The following GNAL variants were observed in gnomAD, a reference collection of about 807,000 sequenced individuals.
GNAL encodes the protein guanine nucleotide-binding protein G(olf) subunit alpha.
Under a neutral mutation model 55.1 loss-of-function variants are expected in GNAL, and 18 were observed. The observed-to-expected ratio is 0.33, with a 90% CI of 0.23 to 0.48. The LOEUF is 0.48. GNAL is among the 20% of genes least tolerant of loss of function. The pLI, the probability that GNAL is intolerant of heterozygous loss-of-function variation, is 0.99. For synonymous variants in GNAL, 253 were observed against 237.0 expected (o/e 1.07, Z -0.62); for missense variants, 412 against 614.1 (o/e 0.67, Z 3.48).
At chr18:11,779,892 AAAATTAGGATGG>A (rs1289285251) in intron 4 of GNAL, among the ~76,000 whole-genome samples, 3 of 152,242 alleles carry the variant, frequency 2.0e-5, no homozygotes, top group African/African-American at 7.2e-5. Context: ...GTCATTAACA[AAAATTAGGATGG>A]AAAATATCAA....
At chr18:11,851,242 C>T (rs1395577139) in intron 5 of GNAL, among the ~76,000 whole-genome samples, 2 of 152,252 alleles carry the variant, frequency 1.3e-5, no homozygotes, top group African/African-American at 2.4e-5. Flanking sequence ...AGCGAGCGTT[C>T]CCCGCCGCAG....
chr18:11,880,123 GGC>G lies in GNAL; in HGVS notation c.1231-863_1231-862del, dbSNP rs1460965141. ...AATACAAAAAGTAGCCAGGCGTGGT[GGC>G]GCACGCCTGTAATCCCAGCTACTCA... On this transcript the variant is annotated intron_variant, in intron 11 of 11. Coordinates refer to ENST00000334049, the MANE Select transcript of GNAL (RefSeq NM_182978.4). Among the ~76,000 whole-genome samples, 11 of 147,056 alleles carry G rather than the reference GGC, an allele frequency of 7.5e-5. 1 individual carries two copies. The East Asian group carries it at 1.5e-3, about 20-fold the overall frequency.
At chr18:11,847,536 C>T (rs2035766540) in intron 5 of GNAL, among the ~76,000 whole-genome samples, 1 of 151,892 alleles carries the variant, frequency 6.6e-6, no homozygotes, top group Non-Finnish European at 1.5e-5. Flanking sequence ...GCCAGATGTG[C>T]CAAATGATAG....
At chr18:11,880,932 T>C in intron 11 of GNAL, 57 bp from the exon 12 acceptor site, 1 of 1,570,438 alleles carries the variant, frequency 6.4e-7, no homozygotes, top group Non-Finnish European at 8.7e-7. Flanking sequence ...GGCCTAGTCC[T>C]TCCCCAGAGT....
chr18:11,876,811 G>A lies in GNAL; in HGVS notation c.1230+123G>A. 3 of 706,258 alleles carry A rather than the reference G, an allele frequency of 4.2e-6. No individual in the cohort carries two copies. The South Asian group carries it at 4.7e-5, about 11-fold the overall frequency. The allele number at this position is 706,258 out of a possible 1,614,324, so 43.7% of individuals were successfully genotyped here. A position where few individuals can be genotyped will look rare whatever the true frequency, so the allele number is the denominator to read the frequency against. ...CCTTAACATTACGAGCGATGACAAA[G>A]GGTATGTTACTTTAATTTCACAGCT... On this transcript the variant is annotated intron_variant, in intron 11 of 11. Transcript: ENST00000334049.
chr18:11,780,744 C>CA (rs2033905519), intron 4 of GNAL, among the ~76,000 whole-genome samples: 1 of 152,126 alleles, frequency 6.6e-6, no homozygotes. Context: ...AGATCACAGG[C>CA]ATGAAAAAGC....
chr18:11,701,834 A>G (rs990093749), intron 1 of GNAL, among the ~76,000 whole-genome samples: 1 of 152,188 alleles, frequency 6.6e-6, no homozygotes, highest in South Asian at 2.1e-4. Flanking sequence ...TGCTCCTTTT[A>G]TCTCCAGCCA....
At chr18:11,698,324 C>T (rs2031471043) in intron 1 of GNAL, among the ~76,000 whole-genome samples, 1 of 151,894 alleles carries the variant, frequency 6.6e-6, no homozygotes, top group Non-Finnish European at 1.5e-5. Flanking sequence ...AACCTCGCCT[C>T]TACTAAAAAT....
At chr18:11,880,268 A>AAAAC (rs964198722) in intron 11 of GNAL, among the ~76,000 whole-genome samples, 7 of 146,346 alleles carry the variant, frequency 4.8e-5, no homozygotes, top group South Asian at 2.3e-4. Flanking sequence ...AACAAACAAA[A>AAAAC]AAACAAACAA....
At position 11,810,070 on chromosome 18, in the gene GNAL, A is replaced by G. The variant is rs559571989; in HGVS notation, c.625-14848A>G. Among the ~76,000 whole-genome samples the G allele has an allele frequency of 8.5e-4, 130 of 152,332 alleles. 1 individual carries two copies. Among genetic ancestry groups the G allele is most frequent in the African/African-American group, 2.9e-3 (120 of 41,576 alleles). On this transcript the variant is annotated intron_variant, in intron 4 of 11. Coordinates refer to ENST00000334049, the MANE Select transcript of GNAL (RefSeq NM_182978.4). The stretch of plus-strand genomic sequence containing the variant: ...GAGGTTCCCCAGAGCTAGGGGCTGC[A>G]CCTTCTCAGAACAAAAGCTCAATAG...
intron 4 of GNAL, among the ~76,000 whole-genome samples, chr18:11,812,530 T>G (rs2034842409): frequency 6.6e-6 from 1 of 152,110 alleles, no homozygotes; most frequent in South Asian, 2.1e-4. Context: ...AAAATGAAAT[T>G]TATAAAACAT....
chr18:11,738,781 G>C (rs990266553), intron 1 of GNAL, among the ~76,000 whole-genome samples: 1 of 152,052 alleles, frequency 6.6e-6, no homozygotes, highest in East Asian at 1.9e-4. Context: ...TATTCCCCAG[G>C]GTAAAGGAGG....
intron 1 of GNAL, among the ~76,000 whole-genome samples, chr18:11,706,043 C>T (rs1745986767): frequency 6.6e-6 from 1 of 152,102 alleles, no homozygotes; most frequent in African/African-American, 2.4e-5. Context: ...TGTATGTCTT[C>T]TTTAAGAAGA....
rs561535596 is a variant in GNAL, at chr18:11,859,257, G to A, written c.723-3138G>A. Among the ~76,000 whole-genome samples, 4 of 152,244 alleles carry A rather than the reference G, an allele frequency of 2.6e-5. No homozygotes were observed. The South Asian group carries it at 8.3e-4, about 32-fold the overall frequency. On this transcript the variant is annotated intron_variant, in intron 5 of 11. Transcript: ENST00000334049. ...GATTACAACTGTTGTAGCCTGTGAG[G>A]GAAGCAGCCTTCTCACCCAGAAACC...
intron 4 of GNAL, among the ~76,000 whole-genome samples, chr18:11,813,907 T>G: frequency 6.6e-6 from 1 of 151,972 alleles, no homozygotes. Context: ...AAAAAAAAAT[T>G]TTAACAGAGA....
chr18:11,772,185 T>C (rs893366511), intron 4 of GNAL, among the ~76,000 whole-genome samples: 2 of 152,190 alleles, frequency 1.3e-5, no homozygotes, highest in Admixed American at 6.5e-5. Flanking sequence ...ATGACTATTA[T>C]AGCAGAAATA....
At position 11,796,585 on chromosome 18, in the gene GNAL, A is replaced by AC. The variant is rs1555651462; in HGVS notation, c.625-28333_625-28332insC. ...CGAGACTCCTTCTCACAAAAAAAAA[A>AC]AAAAAAAAAACAAAACACGCAACCT... is the stretch of plus-strand genomic sequence containing the variant. On this transcript the variant is annotated intron_variant, in intron 4 of 11. Transcript: ENST00000334049. Among the ~76,000 whole-genome samples the AC allele has an allele frequency of 5.2e-3, 784 of 149,426 alleles. 6 individuals are homozygous for AC. Among genetic ancestry groups the AC allele is most frequent in the African/African-American group, 0.019 (744 of 40,088 alleles).
At chr18:11,782,948 T>G (rs1309370107) in intron 4 of GNAL, among the ~76,000 whole-genome samples, 1 of 152,218 alleles carries the variant, frequency 6.6e-6, no homozygotes, top group Non-Finnish European at 1.5e-5. Flanking sequence ...TGACAATGCT[T>G]CAAGATTTGC....
At chr18:11,869,450 A>G (rs893587886) in intron 9 of GNAL, among the ~76,000 whole-genome samples, 2 of 151,972 alleles carry the variant, frequency 1.3e-5, no homozygotes, top group African/African-American at 2.4e-5. Flanking sequence ...GCCAATGTGG[A>G]GTATTCTTTG....
Sources: gnomAD v4.1 joint callset for allele counts (sites outside exome capture counted in the v4.1 genomes callset) on GRCh38, gnomAD v4.1.1 for gene constraint, MANE v1.5 for transcripts, NCBI Gene and HGNC (gene_info 2026-07-23, HGNC 2026-07-21) for gene names.